The following TMEFF1 variants were observed in gnomAD, a reference collection of about 807,000 sequenced individuals.
TMEFF1 encodes the protein tomoregulin-1.
TMEFF1 carries 20 observed loss-of-function variants against 47.5 expected under a neutral mutation model. That is an observed-to-expected ratio of 0.42 (90% CI 0.30 to 0.61). The LOEUF (loss-of-function observed/expected upper bound fraction) is 0.61, where lower values mean the gene tolerates loss of function less well. TMEFF1 is among the 20% of genes least tolerant of loss of function. The pLI is 0.19. For synonymous variants in TMEFF1, 162 were observed against 166.3 expected (o/e 0.97, Z 0.20); for missense variants, 411 against 471.1 (o/e 0.87, Z 1.18).
chr9:100,497,338 T>TTTTTTTTTTTTTTTTTTTTTTTTC (rs1837669982), intron 1 of TMEFF1, among the ~76,000 whole-genome samples: 1 of 149,352 alleles, frequency 6.7e-6, no homozygotes, highest in East Asian at 1.9e-4. Flanking sequence ...TTTTTTTTTT[T>TTTTTTTTTTTTTTTTTTTTTTTTC]TTTTTTGGTG....
chr9:100,520,702 A>G (rs772372486), intron 5 of TMEFF1, among the ~76,000 whole-genome samples: 29 of 152,312 alleles, frequency 1.9e-4, no homozygotes, highest in Admixed American at 5.2e-4. Context: ...TTTTACACAT[A>G]ATATATTTTT....
At position 100,550,101 on chromosome 9, in the gene TMEFF1, A is replaced by G. The variant is rs149433168; in HGVS notation, c.716A>G (p.Asp239Gly). 7.4e-6 allele frequency: 12 copies of G among 1,611,230 alleles called. No individual in the cohort carries two copies. Among genetic ancestry groups the G allele is most frequent in the Non-Finnish European group, 1.0e-5 (12 of 1,178,926 alleles). The change falls in exon 7 of 10, where the codon GAT (aspartate) becomes GGT (glycine). Residue 239 changes from aspartate (D) to glycine (G), a missense_variant. Coordinates refer to ENST00000374879, the MANE Select transcript of TMEFF1 (RefSeq NM_003692.5). Reference sequence around the variant, plus strand: ...AAACCGTCTTCTCTTACAGATACAGATGACACTAGTTTGTTGGGAAAGAAA... The same window carrying G: ...AAACCGTCTTCTCTTACAGATACAGGTGACACTAGTTTGTTGGGAAAGAAA... ...IRHLGHCTDT[D>G]DTSLLGKKDD... is the part of the protein sequence containing the mutation.
intron 1 of TMEFF1, among the ~76,000 whole-genome samples, chr9:100,498,293 AGAAT>A (rs1341835634): frequency 6.6e-6 from 1 of 152,226 alleles, no homozygotes; most frequent in Non-Finnish European, 1.5e-5. Context: ...TAGTTTGCCT[AGAAT>A]GAATAATGAT....
Position 100,539,377 on chromosome 9 carries a change from G to A in TMEFF1, c.561-8367G>A, listed in dbSNP as rs1838579840. Among the ~76,000 whole-genome samples the A allele has an allele frequency of 3.3e-5, 5 of 152,292 alleles. No homozygotes were observed. The South Asian group carries it at 1.0e-3, about 32-fold the overall frequency. ...TCACCAACTTCAAGAATGAAGCTGT[G>A]GACCCTCGCGATGAGTGTTACGGTT... On this transcript the variant is annotated intron_variant, in intron 5 of 9. Coordinates refer to ENST00000374879, the MANE Select transcript of TMEFF1 (RefSeq NM_003692.5).
intron 2 of TMEFF1, among the ~76,000 whole-genome samples, chr9:100,505,429 A>C (rs1402267169): frequency 2.4e-4 from 36 of 150,410 alleles, no homozygotes; most frequent in Admixed American, 1.1e-3. Context: ...AAAAAAAAAA[A>C]AAAAAAAAAA....
At chr9:100,484,028 A>G (rs1414301233) in intron 1 of TMEFF1, among the ~76,000 whole-genome samples, 1 of 152,068 alleles carries the variant, frequency 6.6e-6, no homozygotes, top group African/African-American at 2.4e-5. Context: ...AATTTGTTGT[A>G]CTTTTTACCT....
At chr9:100,565,374 A>G (rs1839106100) in intron 8 of TMEFF1, among the ~76,000 whole-genome samples, 1 of 152,050 alleles carries the variant, frequency 6.6e-6, no homozygotes, top group Non-Finnish European at 1.5e-5. Flanking sequence ...CTATTGCTTC[A>G]TCATACTCAC....
chr9:100,481,497 C>T (rs966419152), intron 1 of TMEFF1, among the ~76,000 whole-genome samples: 3 of 152,148 alleles, frequency 2.0e-5, no homozygotes, highest in East Asian at 3.8e-4. Context: ...GGAGTCTTTT[C>T]GAAATACTAA....
At chr9:100,496,869 A>G (rs893407878) in intron 1 of TMEFF1, among the ~76,000 whole-genome samples, 15 of 152,320 alleles carry the variant, frequency 9.8e-5, no homozygotes, top group Admixed American at 8.5e-4. Flanking sequence ...GAAAAGACAA[A>G]TGCACTGTAT....
chr9:100,473,537 C>T lies in TMEFF1; in HGVS notation c.-8C>T. ...CCCTGCGCTTCCCGCCGTCCAGGGG[C>T]ACCAGTCATGGGCGCCGCAGCCGCT... is the stretch of plus-strand genomic sequence containing the variant. On this transcript the variant is annotated 5_prime_UTR_variant, in exon 1 of 10. Transcript: ENST00000374879. The surrounding 1 kb of genome is among the most constrained non-coding windows in gnomAD (Gnocchi z 5.4). 6.7e-7 allele frequency: 1 copy of T among 1,482,854 alleles called. No individual in the cohort carries two copies. The highest frequency in any genetic ancestry group is 8.9e-7 in the Non-Finnish European group (1 of 1,118,478). 91.9% of individuals were successfully genotyped at this position (1,482,854 alleles called of 1,614,324 possible).
At chr9:100,576,407 G>T in intron 9 of TMEFF1, 109 bp from the exon 10 acceptor site, 1 of 1,356,412 alleles carries the variant, frequency 7.4e-7, no homozygotes, top group Non-Finnish European at 1.0e-6. Context: ...GTAATTGCTT[G>T]CAATGTGGCT....
At chr9:100,501,843 C>G (rs1297777667) in intron 2 of TMEFF1, among the ~76,000 whole-genome samples, 1 of 152,182 alleles carries the variant, frequency 6.6e-6, no homozygotes, top group Non-Finnish European at 1.5e-5. Flanking sequence ...CGGGATTTCA[C>G]CATGTTGGCC....
intron 5 of TMEFF1, among the ~76,000 whole-genome samples, chr9:100,544,863 C>A (rs999403110): frequency 1.3e-5 from 2 of 152,194 alleles, no homozygotes; most frequent in Admixed American, 6.5e-5. Context: ...GGGCTATAGG[C>A]CCCATGCAGG....
intron 6 of TMEFF1, among the ~76,000 whole-genome samples, chr9:100,548,598 C>G (rs1310776745): frequency 6.6e-6 from 1 of 152,176 alleles, no homozygotes; most frequent in African/African-American, 2.4e-5. Context: ...CAGGCACACT[C>G]TCATGGACTA....
At chr9:100,501,128 TTTG>T (rs1286154672) in intron 2 of TMEFF1, among the ~76,000 whole-genome samples, 1 of 152,300 alleles carries the variant, frequency 6.6e-6, no homozygotes, top group African/African-American at 2.4e-5. Context: ...GGTGGTGGGT[TTTG>T]TTGTTGAAGA....
At chr9:100,534,126 T>A (rs989410497) in intron 5 of TMEFF1, among the ~76,000 whole-genome samples, 4 of 152,128 alleles carry the variant, frequency 2.6e-5, no homozygotes, top group Non-Finnish European at 5.9e-5. Flanking sequence ...GTCCCTAGTG[T>A]GTTAGAAAGA....
intron 2 of TMEFF1, among the ~76,000 whole-genome samples, chr9:100,500,981 G>C (rs1837745396): frequency 6.6e-6 from 1 of 152,118 alleles, no homozygotes; most frequent in Non-Finnish European, 1.5e-5. Flanking sequence ...GTGGTTTAGG[G>C]GTCTGCCAGA....
chr9:100,550,230 C>A (rs1321197876), intron 7 of TMEFF1, 70 bp downstream of exon 7: 2 of 1,500,922 alleles, frequency 1.3e-6, no homozygotes, highest in African/African-American at 2.8e-5. Context: ...CTTATTAGTT[C>A]TGTTTCCATT....
chr9:100,532,751 G>T (rs1189763178), intron 5 of TMEFF1, among the ~76,000 whole-genome samples: 2 of 151,970 alleles, frequency 1.3e-5, no homozygotes, highest in East Asian at 1.9e-4. Flanking sequence ...TATACCCAAA[G>T]GACTATAAAT....
Sources: gnomAD v4.1 joint callset for allele counts (sites outside exome capture counted in the v4.1 genomes callset) on GRCh38, gnomAD v4.1.1 for gene constraint, Gnocchi (gnomAD v3.1) non-coding constraint, MANE v1.5 for transcripts, NCBI Gene and HGNC (gene_info 2026-07-23, HGNC 2026-07-21) for gene names.